ICE1: variants seen among roughly 807,000 people sequenced by gnomAD.
ICE1 encodes the protein interactor of little elongation complex ELL subunit 1, also known as little elongation complex subunit 1.
In ICE1, 64 loss-of-function variants were observed where a neutral mutation model predicts 192.7. The observed-to-expected ratio is 0.33, with a 90% CI of 0.27 to 0.41. The LOEUF (loss-of-function observed/expected upper bound fraction) is 0.41. Ranked by LOEUF, ICE1 falls within the 10% of genes least tolerant of loss-of-function variation. The probability of loss-of-function intolerance (pLI) is 1.00; values close to 1 mark genes in which losing one functional copy is unlikely to be tolerated. For synonymous variants in ICE1, 1,010 were observed against 984.5 expected (o/e 1.03, Z -0.49); for missense variants, 2,708 against 2,696.0 (o/e 1.00, Z -0.10).
intron 10 of ICE1, among the ~76,000 whole-genome samples, chr5:5,448,343 G>A (rs1231040277): frequency 6.6e-6 from 1 of 152,110 alleles, no homozygotes; most frequent in Non-Finnish European, 1.5e-5. Flanking sequence ...TTTAGGGAAG[G>A]CCCACAATTG....
intron 5 of ICE1, 129 bp downstream of exon 5, chr5:5,441,352 T>C (rs1738048558): frequency 4.9e-6 from 3 of 615,976 alleles, no homozygotes; most frequent in Non-Finnish European, 8.7e-6. Context: ...CTCAGTGTAT[T>C]ATTAGCTTTA....
rs77917928 is a variant in ICE1, at chr5:5,425,985, G to A, written c.84+2986G>A. 2.3e-3 allele frequency among the ~76,000 whole-genome samples: 353 copies of A among 152,320 alleles called. 1 individual carries two copies. The highest frequency in any genetic ancestry group is 8.2e-3 in the African/African-American group (342 of 41,566). ...ACCATGAGAACTGTGGTAGATACAG[G>A]AGGAAGAGGAAATCAAGGTGGAAGG... On this transcript the variant is annotated intron_variant, in intron 1 of 18. Transcript: ENST00000296564.
At position 5,463,512 on chromosome 5, in the gene ICE1, C is replaced by T. The variant is rs1738869453; in HGVS notation, c.4178C>T (p.Thr1393Ile). 1 of 1,613,476 alleles carries T rather than the reference C, an allele frequency of 6.2e-7. No homozygotes were observed. Among genetic ancestry groups the T allele is most frequent in the Admixed American group, 1.7e-5 (1 of 59,940 alleles). Residue 1393 changes from threonine (T) to isoleucine (I), a missense_variant, in exon 13 of 19, where the codon ACA becomes ATA. Thr to Ile is a moderately conservative substitution (Grantham distance 89). This residue lies in a region of ICE1 where 2,366 missense variants were observed against 2,276.6 expected (regional missense o/e 1.04). Transcript: ENST00000296564. ...EQSSNCEAET[T>I]FQCQIATVTS... is the part of the protein sequence containing the mutation. ...AGTTCTAACTGCGAGGCCGAAACAA[C>T]ATTTCAGTGTCAGATAGCAACAGTG... is the stretch of plus-strand genomic sequence containing the variant.
At chr5:5,440,181 A>T (rs963472703) in intron 4 of ICE1, among the ~76,000 whole-genome samples, 4 of 152,206 alleles carry the variant, frequency 2.6e-5, no homozygotes, top group African/African-American at 9.7e-5. Flanking sequence ...TTGCCATTGA[A>T]GTGAAGCTTA....
At chr5:5,443,270 A>G (rs761634586) in intron 6 of ICE1, 26 bp downstream of exon 6, 38 of 1,235,732 alleles carry the variant, frequency 3.1e-5, no homozygotes, top group Non-Finnish European at 4.2e-5. Context: ...ATTACTATAG[A>G]AATACGGTTT....
chr5:5,444,311 G>A lies in ICE1; in HGVS notation c.409G>A (p.Val137Met), dbSNP rs76848696. Residue 137 changes from valine (V) to methionine (M), a missense_variant, in exon 7 of 19, where the codon GTG (valine) becomes ATG (methionine). Val to Met is a conservative substitution (Grantham distance 21). Around this residue, in one of 2 missense-constraint regions of ICE1, gnomAD observed 2,366 missense variants for 2,276.6 expected, o/e 1.04. Transcript: ENST00000296564. Reference protein sequence around the residue: ...DAQKKKLEAKVKKLQEAAVKQ... With the variant: ...DAQKKKLEAKMKKLQEAAVKQ... ...TAGGAAGAAGAAACTAGAAGCTAAGGTGAAGAAGCTGCAAGGTAAGTGGCA... is the reference window on the plus strand; with the variant it reads ...TAGGAAGAAGAAACTAGAAGCTAAGATGAAGAAGCTGCAAGGTAAGTGGCA... 2 of 1,567,578 alleles carry A rather than the reference G, an allele frequency of 1.3e-6. No individual in the cohort carries two copies. The highest frequency in any genetic ancestry group is 2.3e-5 in the East Asian group (1 of 42,932).
intron 10 of ICE1, among the ~76,000 whole-genome samples, chr5:5,453,077 A>G (rs1738472330): frequency 6.6e-6 from 1 of 152,176 alleles, no homozygotes; most frequent in Admixed American, 6.5e-5. Context: ...GATAGCCTCC[A>G]TAAGAATGGA....
At chr5:5,446,383 C>T (rs1053394499) in intron 7 of ICE1, among the ~76,000 whole-genome samples, 1 of 152,120 alleles carries the variant, frequency 6.6e-6, no homozygotes. Flanking sequence ...CAGCCTCAGC[C>T]TCCCAGACTC....
At chr5:5,437,936 C>G (rs1737919842) in intron 3 of ICE1, 1 of 152,202 alleles carries the variant, frequency 6.6e-6, no homozygotes, top group African/African-American at 2.4e-5. Context: ...TGATTTATGT[C>G]ATACCTGAAC....
intron 12 of ICE1, among the ~76,000 whole-genome samples, chr5:5,459,508 A>C (rs1343611726): frequency 9.2e-5 from 14 of 152,106 alleles, no homozygotes; most frequent in Admixed American, 9.2e-4. Context: ...ATCCAGTAAG[A>C]GTATGGAAGA....
At chr5:5,434,085 A>G (rs1341754982) in intron 1 of ICE1, among the ~76,000 whole-genome samples, 1 of 152,220 alleles carries the variant, frequency 6.6e-6, no homozygotes, top group Non-Finnish European at 1.5e-5. Flanking sequence ...AAATTAATAA[A>G]TAAAGGGAGA....
chr5:5,478,751 T>G (rs759345405), intron 17 of ICE1, among the ~76,000 whole-genome samples: 1 of 152,068 alleles, frequency 6.6e-6, no homozygotes, highest in Non-Finnish European at 1.5e-5. Context: ...AACAGACATA[T>G]AGACCAATGG....
rs965623491 is a variant in ICE1 at position 5,443,190 on chromosome 5, A to G, written c.332A>G (p.Asp111Gly). Reference protein sequence around the residue: ...EKKSSLKLYQDTHQEYARVKE... With the variant: ...EKKSSLKLYQGTHQEYARVKE... ...AAGAGTTCTTTAAAGTTGTATCAGG[A>G]TACTCATCAGGAATATGCTCGTGTA... The change falls in exon 6 of 19, where the codon GAT becomes GGT. Residue 111 changes from aspartate (D) to glycine (G), a missense_variant. Physicochemically the swap from Asp to Gly is moderately conservative, Grantham distance 94 (BLOSUM62 -1). Coordinates refer to ENST00000296564, the MANE Select transcript of ICE1 (RefSeq NM_015325.3). The G allele has an allele frequency of 1.3e-6, 2 of 1,509,400 alleles. No homozygotes were observed. Among genetic ancestry groups the G allele is most frequent in the Non-Finnish European group, 1.8e-6 (2 of 1,124,072 alleles). The allele number at this position is 1,509,400 out of a possible 1,614,324, so 93.5% of individuals were successfully genotyped here.
At chr5:5,429,933 T>A (rs1336587416) in intron 1 of ICE1, among the ~76,000 whole-genome samples, 1 of 152,186 alleles carries the variant, frequency 6.6e-6, no homozygotes, top group African/African-American at 2.4e-5. Context: ...GTTAGTGAAT[T>A]AGTATAGCTT....
At chr5:5,468,793 A>C in intron 14 of ICE1, 35 bp from the exon 15 acceptor site, 1 of 1,313,108 alleles carries the variant, frequency 7.6e-7, no homozygotes, top group Non-Finnish European at 1.0e-6. Context: ...TCGATCATAC[A>C]TCAAAGAGTT....
intron 15 of ICE1, among the ~76,000 whole-genome samples, chr5:5,472,360 C>A (rs1312537348): frequency 6.6e-6 from 1 of 152,126 alleles, no homozygotes; most frequent in Non-Finnish European, 1.5e-5. Flanking sequence ...TCAATTACAG[C>A]CACACCTGAA....
chr5:5,437,076 G>T lies in ICE1; in HGVS notation c.144-4G>T. ...TAACCTAATTTTTCTTTTCTTTTTT[G>T]CAGTAATTTGTTAACAGAATATCAG... is the stretch of plus-strand genomic sequence containing the variant. On this transcript the variant is annotated splice_region_variant and splice_polypyrimidine_tract_variant and intron_variant, in intron 2 of 18. Coordinates refer to ENST00000296564, the MANE Select transcript of ICE1 (RefSeq NM_015325.3). 1.3e-6 allele frequency: 2 copies of T among 1,485,402 alleles called. No individual in the cohort carries two copies. The highest frequency in any genetic ancestry group is 1.8e-6 in the Non-Finnish European group (2 of 1,085,866). The allele number at this position is 1,485,402 out of a possible 1,614,324, so 92.0% of individuals were successfully genotyped here. A position where few individuals can be genotyped will look rare whatever the true frequency, so the allele number is the denominator to read the frequency against.
chr5:5,444,002 T>A (rs1205156869), intron 6 of ICE1, among the ~76,000 whole-genome samples: 1 of 152,154 alleles, frequency 6.6e-6, no homozygotes, highest in Non-Finnish European at 1.5e-5. Context: ...CTTCAGCTAG[T>A]CTCATGAATG....
At chr5:5,437,307 A>G (rs909182396) in intron 3 of ICE1, 193 bp downstream of exon 3, 3 of 466,610 alleles carry the variant, frequency 6.4e-6, no homozygotes, top group African/African-American at 5.9e-5. Context: ...GATGAGTTTT[A>G]AAAATGAGAT....
Sources: gnomAD v4.1 joint callset for allele counts (sites outside exome capture counted in the v4.1 genomes callset) on GRCh38, gnomAD v4.1.1 for gene constraint, gnomAD v4.1.1 regional missense constraint, MANE v1.5 for transcripts, NCBI Gene and HGNC (gene_info 2026-07-23, HGNC 2026-07-21) for gene names.